The following NBPF9 variants were observed in gnomAD, a reference collection of about 807,000 sequenced individuals.
The protein encoded by NBPF9 is NBPF family member NBPF9.
In NBPF9, 91 loss-of-function variants were observed where a neutral mutation model predicts 97.8. The observed-to-expected ratio is 0.93, with a 90% confidence interval of 0.79 to 1.11. NBPF9 has a LOEUF of 1.11. Among genes scored for constraint, NBPF9 ranks in the 50% least tolerant of loss-of-function variants. The pLI, the probability that NBPF9 is intolerant of heterozygous loss-of-function variation, is 0.00. For synonymous variants in NBPF9, 334 were observed against 359.5 expected, an observed-to-expected ratio of 0.93 and a Z score of 0.80; for missense variants, 992 against 939.5, an observed-to-expected ratio of 1.06 and a Z score of -0.73.
intron 21 of NBPF9, 88 bp downstream of exon 21, chr1:149,062,774 A>C (rs192667618): frequency 6.9e-4 from 535 of 772,702 alleles, no homozygotes; most frequent in Non-Finnish European, 1.1e-3. Context: ...CGTTGAAAAC[A>C]TGAAATTGAA....
chr1:149,076,503 T>A (rs1199397525), intron 11 of NBPF9, among the ~76,000 whole-genome samples: 1 of 144,278 alleles, frequency 6.9e-6, no homozygotes, highest in Non-Finnish European at 1.5e-5. Context: ...GTCAGAGACT[T>A]TATTTTTTTT....
exon 30 of NBPF9, chr1:149,055,331 A>T: frequency 1.9e-6 from 1 of 514,172 alleles, no homozygotes; most frequent in East Asian, 4.2e-5. Flanking sequence ...GAGCAGGTAT[A>T]GAAGCTCAGA....
chr1:149,086,208 G>A (rs1553658427), intron 5 of NBPF9, among the ~76,000 whole-genome samples: 2 of 148,862 alleles, frequency 1.3e-5, no homozygotes, highest in Admixed American at 6.7e-5. Context: ...GGCAGGCCAG[G>A]TCTCACTAAC....
chr1:149,087,354 T>G (rs2081097230), intron 5 of NBPF9, among the ~76,000 whole-genome samples: 1 of 149,214 alleles, frequency 6.7e-6, no homozygotes, highest in African/African-American at 2.5e-5. Flanking sequence ...CACACACGTT[T>G]GTGTGTGTAT....
chr1:149,063,060 G>T (rs1227507707), intron 20 of NBPF9, 147 bp from the exon 21 acceptor site: 74 of 564,614 alleles, frequency 1.3e-4, no homozygotes, highest in East Asian at 1.2e-3. Flanking sequence ...AGGCCTGAAG[G>T]CTGATCACCA....
chr1:149,071,186 G>T (rs1183439098), intron 15 of NBPF9, 47 bp from the exon 16 acceptor site: 1 of 1,260,220 alleles, frequency 7.9e-7, no homozygotes, highest in Non-Finnish European at 1.1e-6. Context: ...AAACACAGAG[G>T]GATTGGACCC....
chr1:149,097,477 G>A (rs587713925), intron 4 of NBPF9, among the ~76,000 whole-genome samples: 5 of 152,316 alleles, frequency 3.3e-5, no homozygotes, highest in African/African-American at 7.2e-5. Context: ...ACACCAGGCC[G>A]CAACCTTCCC....
exon 30 of NBPF9, chr1:149,054,563 T>C (rs1206883923): frequency 9.9e-4 from 143 of 144,926 alleles, no homozygotes; most frequent in African/African-American, 3.4e-3. Flanking sequence ...TCTGCAGTGT[T>C]CCCGGCAAAA....
At chr1:149,098,814 AG>A (rs1360308857) in intron 3 of NBPF9, 108 bp from the exon 4 acceptor site, 41 of 128,926 alleles carry the variant, frequency 3.2e-4, no homozygotes, top group Middle Eastern at 6.8e-3. Context: ...AGGGAGGAGC[AG>A]GTTGAAAGGT....
At chr1:149,057,750 C>A (rs1166514237) in intron 27 of NBPF9, among the ~76,000 whole-genome samples, 140 of 95,410 alleles carry the variant, frequency 1.5e-3, no homozygotes, top group Non-Finnish European at 2.5e-3. Context: ...CACACACACA[C>A]ACAGAGAGAG....
At chr1:149,076,075 C>G (rs1390761285) in intron 11 of NBPF9, among the ~76,000 whole-genome samples, 1 of 152,128 alleles carries the variant, frequency 6.6e-6, no homozygotes, top group African/African-American at 2.4e-5. Flanking sequence ...ATAAACACTT[C>G]TACACTTTTC....
At chr1:149,069,085 A>G (rs1575834185) in intron 17 of NBPF9, among the ~76,000 whole-genome samples, 1 of 152,208 alleles carries the variant, frequency 6.6e-6, no homozygotes, top group East Asian at 1.9e-4. Flanking sequence ...GAGAACAAAG[A>G]CAAAACATAC....
chr1:149,067,347 C>T (rs1275495244), intron 17 of NBPF9, among the ~76,000 whole-genome samples: 4 of 124,392 alleles, frequency 3.2e-5, no homozygotes, highest in East Asian at 4.6e-4. Flanking sequence ...TCTTAGGGTA[C>T]ATGTGCACAA....
chr1:149,088,041 C>T (rs587766192), intron 5 of NBPF9, among the ~76,000 whole-genome samples: 2 of 151,814 alleles, frequency 1.3e-5, no homozygotes, highest in East Asian at 1.9e-4. Context: ...CTGTGTTAGG[C>T]ATGATGGTCT....
chr1:149,087,144 A>G (rs1216356469), intron 5 of NBPF9, among the ~76,000 whole-genome samples: 2 of 151,882 alleles, frequency 1.3e-5, no homozygotes, highest in Non-Finnish European at 2.9e-5. Context: ...ATCTTTTCCT[A>G]TGCTAATTGA....
chr1:149,092,997 G>A (rs587728120), intron 4 of NBPF9, among the ~76,000 whole-genome samples: 14 of 151,684 alleles, frequency 9.2e-5, no homozygotes, highest in East Asian at 5.9e-4. Flanking sequence ...CCAGGGGACC[G>A]GCGTTCAGCA....
intron 4 of NBPF9, among the ~76,000 whole-genome samples, chr1:149,092,243 A>G: frequency 1.5e-5 from 2 of 129,600 alleles, no homozygotes; most frequent in East Asian, 4.6e-4. Flanking sequence ...TCCATACATG[A>G]CAGAGCTTTG....
At chr1:149,069,567 T>TC (rs2079242695) in intron 17 of NBPF9, 27 bp downstream of exon 17, 1 of 731,350 alleles carries the variant, frequency 1.4e-6, no homozygotes, top group African/African-American at 2.0e-5. Context: ...ACTACTGAAT[T>TC]AACAGCCAAC....
intron 5 of NBPF9, among the ~76,000 whole-genome samples, chr1:149,087,186 A>C (rs1479074387): frequency 1.1e-4 from 17 of 152,000 alleles, no homozygotes; most frequent in Non-Finnish European, 2.2e-4. Flanking sequence ...TGAAGTATCT[A>C]AGTCTTTTGA....
Sources: gnomAD v4.1 joint callset for allele counts (sites outside exome capture counted in the v4.1 genomes callset) on GRCh38, gnomAD v4.1.1 for gene constraint, MANE v1.5 for transcripts, NCBI Gene and HGNC (gene_info 2026-07-23, HGNC 2026-07-21) for gene names.